Variants in OSBPL10 observed in about 807,000 individuals in gnomAD.
OSBPL10 encodes oxysterol binding protein like 10.
Under a neutral mutation model 81.7 loss-of-function variants are expected in OSBPL10, and 49 were observed. The ratio of observed to expected loss-of-function variants is 0.60; its 90% confidence interval spans 0.48 to 0.76. The LOEUF (loss-of-function observed/expected upper bound fraction) is 0.76. Ranked by LOEUF, OSBPL10 falls within the 30% of genes least tolerant of loss-of-function variation. The pLI, the probability that OSBPL10 is intolerant of heterozygous loss-of-function variation, is 0.00. For missense variants in OSBPL10, 923 were observed against 987.8 expected (o/e 0.93, Z 0.88); for synonymous variants, 419 against 383.6 (o/e 1.09, Z -1.08).
chr3:31,885,463 C>G (rs535490713), intron 1 of OSBPL10, among the ~76,000 whole-genome samples: 8 of 152,176 alleles, frequency 5.3e-5, no homozygotes, highest in Non-Finnish European at 1.2e-4. Flanking sequence ...CTGCCCTTAC[C>G]CACTCACTGT....
chr3:31,961,773 T>C (rs572323222), intron 1 of OSBPL10, among the ~76,000 whole-genome samples: 2 of 152,304 alleles, frequency 1.3e-5, no homozygotes, highest in South Asian at 2.1e-4. Context: ...TGTATAATTA[T>C]AATCTTTACA....
rs1361009639 is a variant in OSBPL10, at chr3:31,827,323, C to T, written c.729+2717G>A. Among the ~76,000 whole-genome samples the T allele has an allele frequency of 5.3e-5, 8 of 152,026 alleles. No homozygotes were observed. The South Asian group carries it at 8.3e-4, about 16-fold the overall frequency. On this transcript the variant is annotated intron_variant, in intron 4 of 11. Transcript: ENST00000396556. ...ACGATAAAGGAAAAAAAAAAGCATA[C>T]GTGTATTCATTTACAAAATTTAGAT...
chr3:31,680,284 C>T (rs1012319594), intron 8 of OSBPL10, among the ~76,000 whole-genome samples: 3 of 152,180 alleles, frequency 2.0e-5, no homozygotes, highest in Admixed American at 6.5e-5. Context: ...TTGACCTGAT[C>T]CCCCTTCCCC....
intron 3 of OSBPL10, among the ~76,000 whole-genome samples, chr3:31,855,807 G>A (rs529524850): frequency 6.6e-6 from 1 of 152,158 alleles, no homozygotes; most frequent in African/African-American, 2.4e-5. Context: ...ATGCAGTTCA[G>A]TGCAGGAAAT....
chr3:31,820,633 G>T (rs1405602353), intron 4 of OSBPL10, among the ~76,000 whole-genome samples: 4 of 152,000 alleles, frequency 2.6e-5, no homozygotes, highest in African/African-American at 7.3e-5. Context: ...AGAAATATTT[G>T]CTAAAAATAT....
intron 7 of OSBPL10, among the ~76,000 whole-genome samples, chr3:31,688,266 ATCTCTCTC>A (rs72309837): frequency 3.1e-5 from 4 of 130,722 alleles, no homozygotes; most frequent in African/African-American, 1.2e-4. Flanking sequence ...CCCTGCACAA[ATCTCTCTC>A]TCTCTCTCTC....
chr3:31,773,057 A>G (rs1698427697), intron 4 of OSBPL10, among the ~76,000 whole-genome samples: 1 of 152,082 alleles, frequency 6.6e-6, no homozygotes, highest in African/African-American at 2.4e-5. Flanking sequence ...GCTTTAAACA[A>G]ACAAACTGAC....
chr3:31,822,912 C>CAAAAAAAAAA (rs1321799862), intron 4 of OSBPL10, among the ~76,000 whole-genome samples: 3 of 23,974 alleles, frequency 1.3e-4, no homozygotes, highest in Non-Finnish European at 2.6e-4. Context: ...ACCCCCAACT[C>CAAAAAAAAAA]TAAAAAAAAA....
chr3:31,725,635 A>G (rs1336564995), intron 6 of OSBPL10, among the ~76,000 whole-genome samples: 1 of 152,208 alleles, frequency 6.6e-6, no homozygotes, highest in Non-Finnish European at 1.5e-5. Context: ...AATTCATAGA[A>G]GCATCTTCTG....
chr3:31,871,200 A>G (rs1263599720), intron 3 of OSBPL10, among the ~76,000 whole-genome samples: 2 of 152,144 alleles, frequency 1.3e-5, no homozygotes, highest in Non-Finnish European at 1.5e-5. Context: ...TTGGGTCCAC[A>G]CTGCTTTTAT....
chr3:32,061,877 A>G (rs58096519), intron 1 of OSBPL10, among the ~76,000 whole-genome samples: 53,544 of 91,174 alleles, frequency 0.59, 23,140 homozygotes, highest in East Asian at 0.84. Flanking sequence ...GAGCTCGAGG[A>G]ATCCTCCTGC....
At chr3:31,689,562 C>A (rs1029116740) in intron 7 of OSBPL10, among the ~76,000 whole-genome samples, 2 of 152,182 alleles carry the variant, frequency 1.3e-5, no homozygotes, top group South Asian at 2.1e-4. Context: ...ACCCAAATTT[C>A]ATCTTGAGTT....
chr3:31,768,648 C>T (rs1698270994), intron 4 of OSBPL10, among the ~76,000 whole-genome samples: 1 of 152,000 alleles, frequency 6.6e-6, no homozygotes, highest in African/African-American at 2.4e-5. Context: ...AAAAGGTAAC[C>T]GGCAGCCTGA....
intron 4 of OSBPL10, among the ~76,000 whole-genome samples, chr3:31,817,983 G>C (rs1466679495): frequency 6.6e-6 from 1 of 152,184 alleles, no homozygotes; most frequent in Non-Finnish European, 1.5e-5. Context: ...TCACATGCCT[G>C]TGGTCCCAGA....
intron 6 of OSBPL10, chr3:31,709,122 T>A: frequency 1.3e-6 from 1 of 796,868 alleles, no homozygotes; most frequent in Non-Finnish European, 1.5e-6. Flanking sequence ...GATCTTATCC[T>A]TGACAGGTCC....
At chr3:32,016,880 C>A (rs1346068132) in intron 2 of OSBPL10, among the ~76,000 whole-genome samples, 1 of 152,128 alleles carries the variant, frequency 6.6e-6, no homozygotes, top group Non-Finnish European at 1.5e-5. Context: ...TATTCTGAAA[C>A]CTAAATGAGA....
intron 1 of OSBPL10, among the ~76,000 whole-genome samples, chr3:31,907,271 C>G (rs1696434971): frequency 2.0e-5 from 3 of 152,124 alleles, no homozygotes; most frequent in African/African-American, 7.2e-5. Context: ...ATTTTGTCGT[C>G]TTAAAAATAG....
intron 1 of OSBPL10, among the ~76,000 whole-genome samples, chr3:31,964,115 G>A (rs1015119339): frequency 1.3e-5 from 2 of 152,132 alleles, no homozygotes; most frequent in African/African-American, 4.8e-5. Context: ...CAATATAGCT[G>A]TCAGATGTTT....
intron 3 of OSBPL10, among the ~76,000 whole-genome samples, chr3:31,840,909 G>A (rs1700476621): frequency 6.6e-6 from 1 of 152,162 alleles, no homozygotes; most frequent in South Asian, 2.1e-4. Flanking sequence ...TGTTGTTGTT[G>A]TTGTTTTGTT....
Sources: allele counts gnomAD v4.1 joint callset (sites outside exome capture counted in the v4.1 genomes callset), GRCh38; gene constraint gnomAD v4.1.1; transcripts MANE v1.5; gene names NCBI Gene and HGNC (gene_info 2026-07-23, HGNC 2026-07-21).